EFCAB11: variants seen among roughly 807,000 people sequenced by gnomAD.
EFCAB11 encodes the protein EF-hand calcium-binding domain-containing protein 11.
Under a neutral mutation model 23.0 loss-of-function variants are expected in EFCAB11, and 14 were observed. The observed-to-expected ratio is 0.61, with a 90% CI of 0.40 to 0.95. The LOEUF (loss-of-function observed/expected upper bound fraction) is 0.95. Ranked by LOEUF, EFCAB11 falls within the 40% of genes least tolerant of loss-of-function variation. The pLI is 0.00. For missense variants in EFCAB11, 198 were observed against 195.8 expected (o/e 1.01, Z -0.07); for synonymous variants, 65 against 66.6 (o/e 0.98, Z 0.11).
At chr14:89,842,621 TG>T (rs1364937017) in intron 5 of EFCAB11, among the ~76,000 whole-genome samples, 267 of 151,312 alleles carry the variant, frequency 1.8e-3, no homozygotes, top group Middle Eastern at 6.8e-3. Flanking sequence ...TGATATGATA[TG>T]ATATGATATG....
At position 89,925,648 on chromosome 14, in the gene EFCAB11, C is replaced by CTT. The variant is rs397758240; in HGVS notation, c.410+5891_410+5892dup. Among the ~76,000 whole-genome samples the CTT allele has an allele frequency of 4.1e-3, 556 of 134,644 alleles. 9 individuals carry two copies. The highest frequency in any genetic ancestry group is 0.015 in the African/African-American group (520 of 35,582). The allele number at this position is 134,644 out of a possible 152,430, so 88.3% of individuals were successfully genotyped here. On this transcript the variant is annotated intron_variant, in intron 5 of 5. Transcript: ENST00000316738. The stretch of plus-strand genomic sequence containing the variant: ...GAGGAATACAAAGTTATGTTTCTTT[C>CTT]TTTTTTTTTTTTTTTGAGATGGAGT...
At chr14:89,903,575 G>A (rs116740223) in intron 5 of EFCAB11, among the ~76,000 whole-genome samples, 1 of 115,240 alleles carries the variant, frequency 8.7e-6, no homozygotes, top group Non-Finnish European at 1.8e-5. Flanking sequence ...AAAAGAGAAG[G>A]GGGGGGGCAA....
At chr14:89,899,553 G>C (rs2140200750) in intron 5 of EFCAB11, among the ~76,000 whole-genome samples, 1 of 152,220 alleles carries the variant, frequency 6.6e-6, no homozygotes, top group Non-Finnish European at 1.5e-5. Context: ...AGTGAGGACA[G>C]GCCACAAGTG....
chr14:89,850,362 G>A (rs988286227), intron 5 of EFCAB11, among the ~76,000 whole-genome samples: 1 of 152,168 alleles, frequency 6.6e-6, no homozygotes, highest in African/African-American at 2.4e-5. Flanking sequence ...TCTAGACTGT[G>A]CGACCCACAG....
At chr14:89,877,444 A>G (rs1888474268) in intron 5 of EFCAB11, among the ~76,000 whole-genome samples, 1 of 152,232 alleles carries the variant, frequency 6.6e-6, no homozygotes, top group Non-Finnish European at 1.5e-5. Context: ...GGATAGGATT[A>G]CTACTGGGTA....
chr14:89,831,051 G>A (rs1946887504), intron 5 of EFCAB11: 1 of 152,598 alleles, frequency 6.6e-6, no homozygotes, highest in South Asian at 2.1e-4. Context: ...AGATTGATGG[G>A]GGCAAAGGCA....
At position 89,860,394 on chromosome 14, in the gene EFCAB11, T is replaced by A. The variant is rs147901787; in HGVS notation, c.411-63070A>T. 5.0e-3 allele frequency among the ~76,000 whole-genome samples: 738 copies of A among 148,472 alleles called. 2 individuals carry two copies. The highest frequency in any genetic ancestry group is 6.9e-3 in the Middle Eastern group (2 of 290). Reference sequence around the variant, plus strand: ...ACAAACAAACAAACAAACAAACAAATGTCTTCAGGAACCAGAACAAGGCCA... The same window carrying A: ...ACAAACAAACAAACAAACAAACAAAAGTCTTCAGGAACCAGAACAAGGCCA... On this transcript the variant is annotated intron_variant, in intron 5 of 5. Coordinates refer to ENST00000316738, the MANE Select transcript of EFCAB11 (RefSeq NM_145231.4).
At chr14:89,924,804 T>G in intron 5 of EFCAB11, 1 of 1,069,856 alleles carries the variant, frequency 9.3e-7, no homozygotes, top group Admixed American at 2.8e-5. Flanking sequence ...GACTCTTTCC[T>G]AGTTTATGAG....
intron 5 of EFCAB11, among the ~76,000 whole-genome samples, chr14:89,811,500 C>T (rs1276422762): frequency 6.6e-6 from 1 of 152,144 alleles, no homozygotes. Context: ...ATTAAGGTTG[C>T]TGACTCTAAC....
chr14:89,932,691 A>G (rs1203981386), intron 3 of EFCAB11, 64 bp from the exon 4 acceptor site: 9 of 1,191,250 alleles, frequency 7.6e-6, no homozygotes, highest in Non-Finnish European at 1.1e-5. Context: ...AAAAAATTAA[A>G]CAGAAATGGA....
chr14:89,882,540 C>T (rs1003827492), intron 5 of EFCAB11, among the ~76,000 whole-genome samples: 1 of 152,020 alleles, frequency 6.6e-6, no homozygotes, highest in Non-Finnish European at 1.5e-5. Context: ...CACTCTCTCT[C>T]TTTTTTTTCT....
rs571166762 is a variant in EFCAB11, at chr14:89,825,852, TATA to T, written c.411-28531_411-28529del. The stretch of plus-strand genomic sequence containing the variant: ...TGCTGGCAGCTATCTGGATGCTTGT[TATA>T]ATATTTTCTGTATGCTTGCAATGTT... On this transcript the variant is annotated intron_variant, in intron 5 of 5. Transcript: ENST00000316738. 6.4e-4 allele frequency among the ~76,000 whole-genome samples: 97 copies of T among 152,334 alleles called. 1 individual carries two copies. Among genetic ancestry groups the T allele is most frequent in the Admixed American group, 2.4e-3 (36 of 15,304 alleles).
At chr14:89,952,630 A>T in intron 2 of EFCAB11, 1 of 983,414 alleles carries the variant, frequency 1.0e-6, no homozygotes, top group South Asian at 4.7e-5. Flanking sequence ...TCAAGAGAAT[A>T]TATTAATACT....
chr14:89,875,695 G>A (rs549226870), intron 5 of EFCAB11, among the ~76,000 whole-genome samples: 2 of 152,306 alleles, frequency 1.3e-5, no homozygotes, highest in Admixed American at 6.5e-5. Flanking sequence ...AGTTTGAGGG[G>A]TCATTGAGGA....
intron 5 of EFCAB11, chr14:89,830,277 C>T (rs1002477247): frequency 6.6e-6 from 1 of 152,116 alleles, no homozygotes; most frequent in Non-Finnish European, 1.5e-5. Context: ...TATGGGAATT[C>T]CATTTTCCCT....
intron 5 of EFCAB11, among the ~76,000 whole-genome samples, chr14:89,803,759 G>T (rs79885553): frequency 0.038 from 5,741 of 152,324 alleles, 150 homozygotes; most frequent in Middle Eastern, 0.075. Flanking sequence ...AATTGAAGAT[G>T]TAATGATGAC....
intron 2 of EFCAB11, among the ~76,000 whole-genome samples, chr14:89,953,698 T>C (rs55841031): frequency 0.036 from 5,559 of 152,324 alleles, 363 homozygotes; most frequent in African/African-American, 0.13. Flanking sequence ...GGTGGTGAGA[T>C]AGGCTTGTGT....
chr14:89,797,875 G>A (rs1306924309), intron 5 of EFCAB11, among the ~76,000 whole-genome samples: 2 of 152,190 alleles, frequency 1.3e-5, no homozygotes, highest in Non-Finnish European at 2.9e-5. Flanking sequence ...AGAGGTTGCA[G>A]TGAGCCGAGA....
At chr14:89,901,653 A>G (rs1479971813) in intron 5 of EFCAB11, among the ~76,000 whole-genome samples, 1 of 152,200 alleles carries the variant, frequency 6.6e-6, no homozygotes, top group African/African-American at 2.4e-5. Context: ...TGAGAAATCT[A>G]AGGTCTTTCT....
Sources: allele counts gnomAD v4.1 joint callset (sites outside exome capture counted in the v4.1 genomes callset), GRCh38; gene constraint gnomAD v4.1.1; transcripts MANE v1.5; gene names NCBI Gene and HGNC (gene_info 2026-07-23, HGNC 2026-07-21).